Variants in ABCB1 observed in about 807,000 individuals in gnomAD.
The protein encoded by ABCB1 is ATP binding cassette subfamily B member 1, also known as ATP-dependent translocase ABCB1.
In ABCB1, 69 loss-of-function variants were observed where a neutral mutation model predicts 142.0. That is an observed-to-expected ratio of 0.49 (90% CI 0.40 to 0.59). The LOEUF is 0.59. ABCB1 is among the 20% of genes least tolerant of loss of function. The pLI, the probability that ABCB1 is intolerant of heterozygous loss-of-function variation, is 0.00. For missense variants in ABCB1, 1,326 were observed against 1,554.7 expected (o/e 0.85, Z 2.47); for synonymous variants, 532 against 539.2 (o/e 0.99, Z 0.18).
intron 18 of ABCB1, among the ~76,000 whole-genome samples, chr7:87,539,685 C>A (rs1816446898): frequency 6.6e-6 from 1 of 152,192 alleles, no homozygotes; most frequent in South Asian, 2.1e-4. Flanking sequence ...TGGACTCCCT[C>A]CCCATGTTAC....
At chr7:87,703,913 G>GTTTTTTTTTTTTTTTTTTTTTTT (rs1829340053) in intron 1 of ABCB1, among the ~76,000 whole-genome samples, 1 of 31,288 alleles carries the variant, frequency 3.2e-5, no homozygotes, top group Non-Finnish European at 6.0e-5. Flanking sequence ...TTTTTTTTTT[G>GTTTTTTTTTTTTTTTTTTTTTTT]GTTTTTTTTT....
At chr7:87,515,597 T>A (rs969744456) in intron 24 of ABCB1, among the ~76,000 whole-genome samples, 169 bp from the exon 25 acceptor site, 3 of 151,988 alleles carry the variant, frequency 2.0e-5, no homozygotes, top group Non-Finnish European at 4.4e-5. Flanking sequence ...TTTATTTATT[T>A]TTTATTTTTT....
intron 21 of ABCB1, among the ~76,000 whole-genome samples, chr7:87,530,882 G>C (rs1816024014): frequency 9.2e-6 from 1 of 108,522 alleles, no homozygotes; most frequent in Non-Finnish European, 2.1e-5. Context: ...AGAAAAGAAA[G>C]AAAAAGAAAA....
chr7:87,685,128 A>T (rs918353791), intron 1 of ABCB1, among the ~76,000 whole-genome samples: 1 of 152,202 alleles, frequency 6.6e-6, no homozygotes, highest in African/African-American at 2.4e-5. Context: ...ACTCCCTGAA[A>T]GACACTGTTA....
chr7:87,520,818 T>A lies in ABCB1; in HGVS notation c.2744A>T (p.Lys915Met), dbSNP rs1234949048. The A allele has an allele frequency of 6.2e-7, 1 of 1,613,892 alleles. No homozygotes were observed. Among genetic ancestry groups the A allele is most frequent in the African/African-American group, 1.3e-5 (1 of 74,920 alleles). ...ACTCTGAGCATACATATGTTCAAACTTCTGCTCCTGAGTCAAAGAAACAAC... is the reference window on the plus strand; with the variant it reads ...ACTCTGAGCATACATATGTTCAAACATCTGCTCCTGAGTCAAAGAAACAAC... ...RTVVSLTQEQ[K>M]FEHMYAQSLQ... is the part of the protein sequence containing the mutation. The change falls in exon 22 of 28, where the codon AAG becomes ATG. Residue 915 changes from lysine (K) to methionine (M), a missense_variant. Transcript: ENST00000622132.
chr7:87,504,355 A>C lies in ABCB1; in HGVS notation c.3731T>G (p.Val1244Gly). 2 of 1,614,062 alleles carry C rather than the reference A, an allele frequency of 1.2e-6. No homozygotes were observed. Among genetic ancestry groups the C allele is most frequent in the Non-Finnish European group, 1.7e-6 (2 of 1,179,992 alleles). Reference protein sequence around the residue: ...LSTIQNADLIVVFQNGRVKEH... With the variant: ...LSTIQNADLIGVFQNGRVKEH... ...CTTGACTCTGCCATTCTGAAACACC[A>C]CTATTAAGTCTGCATTCTGGATGGT... The change falls in exon 28 of 28, where the codon GTG becomes GGG. Residue 1244 changes from valine (V) to glycine (G), a missense_variant. Coordinates refer to ENST00000622132, the MANE Select transcript of ABCB1 (RefSeq NM_001348946.2).
chr7:87,639,790 G>C (rs1286616857), intron 1 of ABCB1, among the ~76,000 whole-genome samples: 2 of 151,866 alleles, frequency 1.3e-5, no homozygotes, highest in Non-Finnish European at 1.5e-5. Flanking sequence ...CTTATATTTA[G>C]AGTGTCCTTG....
At chr7:87,679,259 A>AT (rs934031757) in intron 1 of ABCB1, among the ~76,000 whole-genome samples, 5 of 148,494 alleles carry the variant, frequency 3.4e-5, no homozygotes, top group African/African-American at 1.3e-4. Context: ...CGCCCGGGTA[A>AT]TTTTTTTGTA....
chr7:87,670,211 A>G (rs1825687129), intron 1 of ABCB1, among the ~76,000 whole-genome samples: 1 of 152,116 alleles, frequency 6.6e-6, no homozygotes, highest in Non-Finnish European at 1.5e-5. Flanking sequence ...TTCTTATTTC[A>G]GAGAACCAGT....
intron 17 of ABCB1, among the ~76,000 whole-genome samples, chr7:87,541,730 G>C (rs774595313): frequency 6.6e-6 from 1 of 152,220 alleles, no homozygotes; most frequent in Non-Finnish European, 1.5e-5. Flanking sequence ...CCTCAACTGT[G>C]TAAAGTTGAA....
At chr7:87,674,231 G>A (rs1252054871) in intron 1 of ABCB1, among the ~76,000 whole-genome samples, 4 of 152,164 alleles carry the variant, frequency 2.6e-5, no homozygotes, top group African/African-American at 9.7e-5. Flanking sequence ...CACCCTCATT[G>A]GCTGGGGCAG....
At chr7:87,692,179 G>T (rs1391204386) in intron 1 of ABCB1, among the ~76,000 whole-genome samples, 2 of 152,084 alleles carry the variant, frequency 1.3e-5, no homozygotes, top group African/African-American at 2.4e-5. Flanking sequence ...GGCCAGGCAT[G>T]GTGGCTCACA....
intron 1 of ABCB1, among the ~76,000 whole-genome samples, chr7:87,626,564 ATATG>A (rs1226672026): frequency 5.6e-5 from 1 of 17,968 alleles, no homozygotes; most frequent in Admixed American, 8.1e-4. Flanking sequence ...TGTGTCATAT[ATATG>A]TGTCATATAT....
At chr7:87,701,349 T>C (rs1473254615) in intron 1 of ABCB1, among the ~76,000 whole-genome samples, 1 of 152,224 alleles carries the variant, frequency 6.6e-6, no homozygotes, top group Non-Finnish European at 1.5e-5. Context: ...AGCTTTTAAG[T>C]AAAAACTAGA....
At chr7:87,692,417 A>G (rs1363256421) in intron 1 of ABCB1, among the ~76,000 whole-genome samples, 1 of 152,198 alleles carries the variant, frequency 6.6e-6, no homozygotes, top group Non-Finnish European at 1.5e-5. Flanking sequence ...TGAATGCATC[A>G]CTGAGCTCCA....
chr7:87,639,437 T>C (rs1227711452), intron 1 of ABCB1, among the ~76,000 whole-genome samples: 1 of 152,224 alleles, frequency 6.6e-6, no homozygotes, highest in Non-Finnish European at 1.5e-5. Flanking sequence ...GTTCATGTCC[T>C]CTGTATTCTT....
intron 1 of ABCB1, among the ~76,000 whole-genome samples, chr7:87,614,539 T>C (rs1298402897): frequency 6.6e-6 from 1 of 152,244 alleles, no homozygotes; most frequent in Non-Finnish European, 1.5e-5. Context: ...TTCTAGTTTA[T>C]GGCATTTCAG....
intron 3 of ABCB1, 140 bp from the exon 4 acceptor site, chr7:87,585,820 C>G: frequency 1.2e-6 from 1 of 804,412 alleles, no homozygotes; most frequent in Non-Finnish European, 2.0e-6. Flanking sequence ...ACACCCTCTA[C>G]CTTTGCTAAA....
At chr7:87,688,628 G>T (rs1285358532) in intron 1 of ABCB1, among the ~76,000 whole-genome samples, 1 of 151,600 alleles carries the variant, frequency 6.6e-6, no homozygotes, top group Non-Finnish European at 1.5e-5. Context: ...ATTACTGTTG[G>T]TAGTTTGTTA....
Sources: gnomAD v4.1 joint callset for allele counts (sites outside exome capture counted in the v4.1 genomes callset) on GRCh38, gnomAD v4.1.1 for gene constraint, MANE v1.5 for transcripts, NCBI Gene and HGNC (gene_info 2026-07-23, HGNC 2026-07-21) for gene names.